ETV1: variants seen among roughly 807,000 people sequenced by gnomAD.
The protein encoded by ETV1 is ETS translocation variant 1.
A neutral mutation model predicts 62.3 loss-of-function variants in ETV1; 27 were observed. The ratio of observed to expected loss-of-function variants is 0.43; its 90% confidence interval spans 0.32 to 0.60. The LOEUF (loss-of-function observed/expected upper bound fraction) is 0.60. Among genes scored for constraint, ETV1 ranks in the 20% least tolerant of loss-of-function variants. ETV1 has a pLI of 0.06. For missense variants in ETV1, 605 were observed against 605.8 expected, an observed-to-expected ratio of 1.00 and a Z score of 0.01; for synonymous variants, 222 against 199.6, an observed-to-expected ratio of 1.11 and a Z score of -0.94.
chr7:13,954,689 T>C (rs949836304), intron 6 of ETV1, among the ~76,000 whole-genome samples: 36 of 152,308 alleles, frequency 2.4e-4, no homozygotes, highest in African/African-American at 8.7e-4. Context: ...TTGACTATTT[T>C]AGCACCAAAA....
chr7:13,935,860 G>A lies in ETV1; in HGVS notation c.402C>T (p.Pro134=), dbSNP rs1786752170. ...TGCTGGATGGTGTGGGGGGGTTGGA[G>A]GGCCTCATTCCCACTTGTGGCTTCT... ...YDQKPQVGMR[P]SNPPTPSSTP... is the part of the protein sequence containing the mutation. The change falls in exon 8 of 14, where the codon CCC becomes CCT. Residue 134 remains proline, a synonymous_variant. Transcript: ENST00000430479. 6.2e-7 allele frequency: 1 copy of A among 1,613,764 alleles called. No individual in the cohort carries two copies. The highest frequency in any genetic ancestry group is 1.3e-5 in the African/African-American group (1 of 75,022).
intron 9 of ETV1, among the ~76,000 whole-genome samples, chr7:13,930,886 T>G (rs944641934): frequency 2.6e-5 from 4 of 151,410 alleles, no homozygotes; most frequent in African/African-American, 4.9e-5. Context: ...CTGCAACCTC[T>G]GCCTCCCGGG....
At chr7:13,899,230 G>A (rs1285465036) in intron 13 of ETV1, among the ~76,000 whole-genome samples, 1 of 152,144 alleles carries the variant, frequency 6.6e-6, no homozygotes, top group Non-Finnish European at 1.5e-5. Flanking sequence ...GTATTTGAAG[G>A]ATCTTACTAC....
intron 12 of ETV1, among the ~76,000 whole-genome samples, chr7:13,903,762 CAAAA>C (rs534972176): frequency 8.6e-5 from 8 of 93,154 alleles, no homozygotes; most frequent in African/African-American, 2.6e-4. Flanking sequence ...GATTCCATCT[CAAAA>C]AAAAAAAAAA....
upstream of ETV1, chr7:13,989,783 G>T: frequency 2.5e-6 from 1 of 394,968 alleles, no homozygotes; most frequent in East Asian, 3.6e-5. Flanking sequence ...CAGATTTCGG[G>T]CTGTCAATCA....
intron 6 of ETV1, among the ~76,000 whole-genome samples, chr7:13,961,740 C>T (rs1361204909): frequency 6.6e-6 from 1 of 152,090 alleles, no homozygotes; most frequent in Non-Finnish European, 1.5e-5. Context: ...GCTAACTGAT[C>T]CTATAGTAGG....
chr7:13,979,126 C>A (rs1353395429), intron 5 of ETV1, among the ~76,000 whole-genome samples: 1 of 152,052 alleles, frequency 6.6e-6, no homozygotes, highest in Non-Finnish European at 1.5e-5. Flanking sequence ...CTGTGACATG[C>A]TAGTTGTGCA....
rs796173703 is a variant in ETV1 at position 13,970,327 on chromosome 7, A to C, written c.235+7100T>G. On this transcript the variant is annotated intron_variant, in intron 6 of 13. Coordinates refer to ENST00000430479, the MANE Select transcript of ETV1 (RefSeq NM_004956.5). ...ACACACACACACACACACACACACAAAGCAGCAACTACAAAAAGCATACCC... is the reference window on the plus strand; with the variant it reads ...ACACACACACACACACACACACACACAGCAGCAACTACAAAAAGCATACCC... Among the ~76,000 whole-genome samples the C allele has an allele frequency of 2.9e-3, 382 of 130,604 alleles. 3 individuals are homozygous for C. Among genetic ancestry groups the C allele is most frequent in the African/African-American group, 0.01 (347 of 33,606 alleles). The allele number at this position is 130,604 out of a possible 152,430, so 85.7% of individuals were successfully genotyped here.
chr7:13,934,514 T>C (rs899652613), intron 8 of ETV1, among the ~76,000 whole-genome samples: 1 of 152,208 alleles, frequency 6.6e-6, no homozygotes, highest in African/African-American at 2.4e-5. Context: ...TACAACGGTG[T>C]CTCAGGGCCA....
chr7:13,959,882 C>CAAAA (rs35605197), intron 6 of ETV1, among the ~76,000 whole-genome samples: 6 of 56,702 alleles, frequency 1.1e-4, no homozygotes, highest in Non-Finnish European at 1.7e-4. Flanking sequence ...GATTCTGTCT[C>CAAAA]AAAAAAAAAA....
intron 12 of ETV1, among the ~76,000 whole-genome samples, chr7:13,904,944 C>G (rs2128412196): frequency 6.8e-6 from 1 of 147,366 alleles, no homozygotes; most frequent in Non-Finnish European, 1.5e-5. Context: ...CATTCAAACA[C>G]CCAAACGTCA....
chr7:13,897,332 T>C (rs1175125809), intron 13 of ETV1, among the ~76,000 whole-genome samples: 1 of 152,230 alleles, frequency 6.6e-6, no homozygotes, highest in African/African-American at 2.4e-5. Flanking sequence ...GTTCCTGGGT[T>C]ATAAAGTATT....
intron 12 of ETV1, among the ~76,000 whole-genome samples, chr7:13,901,720 T>G (rs965346457): frequency 6.6e-6 from 1 of 152,194 alleles, no homozygotes; most frequent in Non-Finnish European, 1.5e-5. Context: ...AATAAAACTG[T>G]GGGTAATACC....
At chr7:13,937,572 G>A (rs2128457784) in intron 7 of ETV1, among the ~76,000 whole-genome samples, 1 of 152,336 alleles carries the variant, frequency 6.6e-6, no homozygotes, top group South Asian at 2.1e-4. Flanking sequence ...TGATTTCACA[G>A]TCACAATTCT....
At chr7:13,911,882 T>C (rs1280459885) in intron 9 of ETV1, among the ~76,000 whole-genome samples, 1 of 152,238 alleles carries the variant, frequency 6.6e-6, no homozygotes, top group Non-Finnish European at 1.5e-5. Context: ...ATAGTTAATC[T>C]TTTGGGTTAC....
chr7:13,900,884 T>C (rs772273675), intron 12 of ETV1, 45 bp from the exon 13 acceptor site: 2 of 1,223,350 alleles, frequency 1.6e-6, no homozygotes, highest in Non-Finnish European at 2.3e-6. Flanking sequence ...TATTAACTTA[T>C]CAGCATATTT....
intron 9 of ETV1, among the ~76,000 whole-genome samples, chr7:13,924,138 C>G (rs1288082739): frequency 6.6e-6 from 1 of 152,180 alleles, no homozygotes; most frequent in African/African-American, 2.4e-5. Context: ...ATCCTGTAGT[C>G]CCTCATAAGC....
At chr7:13,914,006 C>T (rs1230677870) in intron 9 of ETV1, among the ~76,000 whole-genome samples, 1 of 151,360 alleles carries the variant, frequency 6.6e-6, no homozygotes, top group African/African-American at 2.4e-5. Context: ...GCCTCAGCCT[C>T]CTGAGTAGCT....
intron 5 of ETV1, among the ~76,000 whole-genome samples, chr7:13,979,412 C>T (rs1347013097): frequency 6.6e-6 from 1 of 151,986 alleles, no homozygotes; most frequent in African/African-American, 2.4e-5. Flanking sequence ...AAAATCTGTA[C>T]ATTAGCATTC....
Sources: gnomAD v4.1 joint callset for allele counts (sites outside exome capture counted in the v4.1 genomes callset) on GRCh38, gnomAD v4.1.1 for gene constraint, MANE v1.5 for transcripts, NCBI Gene and HGNC (gene_info 2026-07-23, HGNC 2026-07-21) for gene names.